The following WWOX variants were observed in gnomAD, a reference collection of about 807,000 sequenced individuals.
WWOX encodes the protein WW domain-containing oxidoreductase.
Under a neutral mutation model 46.2 loss-of-function variants are expected in WWOX, and 69 were observed. The ratio of observed to expected loss-of-function variants is 1.49; its 90% confidence interval spans 1.23 to 1.82. The LOEUF (loss-of-function observed/expected upper bound fraction) is 1.82, where lower values mean the gene tolerates loss of function less well. Among genes scored for constraint, WWOX ranks in the 40% most tolerant of loss-of-function variants. WWOX has a pLI of 0.00. For missense variants in WWOX, 919 were observed against 542.6 expected (o/e 1.69, Z -6.89); for synonymous variants, 359 against 202.6 (o/e 1.77, Z -6.56).
intron 8 of WWOX, among the ~76,000 whole-genome samples, chr16:78,581,170 T>C (rs1341683878): frequency 6.6e-6 from 1 of 152,184 alleles, no homozygotes; most frequent in Non-Finnish European, 1.5e-5. Flanking sequence ...GTTTTAAAAA[T>C]ATTTACAATT....
chr16:79,200,318 G>C (rs867497936), intron 8 of WWOX, among the ~76,000 whole-genome samples: 1 of 152,146 alleles, frequency 6.6e-6, no homozygotes, highest in Non-Finnish European at 1.5e-5. Flanking sequence ...TAAGTATCCC[G>C]CTCTCAGATC....
intron 8 of WWOX, among the ~76,000 whole-genome samples, chr16:78,870,382 C>A (rs2044100600): frequency 6.6e-6 from 1 of 152,108 alleles, no homozygotes; most frequent in Non-Finnish European, 1.5e-5. Context: ...CTCCCCTGAC[C>A]TTCCCATTTT....
At chr16:79,076,413 T>G (rs185468934) in intron 8 of WWOX, among the ~76,000 whole-genome samples, 1 of 152,364 alleles carries the variant, frequency 6.6e-6, no homozygotes. Context: ...GAGAATTTTC[T>G]GAAGCTATTG....
At chr16:78,810,541 T>C (rs2051161647) in intron 8 of WWOX, among the ~76,000 whole-genome samples, 1 of 152,230 alleles carries the variant, frequency 6.6e-6, no homozygotes, top group Non-Finnish European at 1.5e-5. Context: ...AATAAATTAA[T>C]AGTCAACAAC....
chr16:78,303,526 T>G (rs2080079896), intron 5 of WWOX, among the ~76,000 whole-genome samples: 1 of 152,074 alleles, frequency 6.6e-6, no homozygotes, highest in African/African-American at 2.4e-5. Flanking sequence ...GTTTTTGTTT[T>G]TTGTTTTTGT....
chr16:78,423,706 C>T (rs745963866), intron 6 of WWOX, among the ~76,000 whole-genome samples: 1 of 151,918 alleles, frequency 6.6e-6, no homozygotes, highest in Non-Finnish European at 1.5e-5. Context: ...AATAGCCATG[C>T]ATGGTGGTGT....
chr16:78,793,935 T>G (rs1161975387), intron 8 of WWOX, among the ~76,000 whole-genome samples: 3 of 151,988 alleles, frequency 2.0e-5, no homozygotes, highest in African/African-American at 7.2e-5. Flanking sequence ...ATTTTTGATA[T>G]AGAAGAGGAT....
intron 5 of WWOX, among the ~76,000 whole-genome samples, chr16:78,301,740 T>C (rs2080044747): frequency 6.6e-6 from 1 of 152,150 alleles, no homozygotes; most frequent in Non-Finnish European, 1.5e-5. Context: ...GGACTGTCTC[T>C]GGTCACTGAT....
At chr16:78,669,191 A>G (rs72796605) in intron 8 of WWOX, among the ~76,000 whole-genome samples, 5,657 of 152,238 alleles carry the variant, frequency 0.037, 148 homozygotes, top group Non-Finnish European at 0.059. Flanking sequence ...AACTTCCTTC[A>G]CACACTCCCT....
At chr16:79,166,435 C>T (rs2050595875) in intron 8 of WWOX, among the ~76,000 whole-genome samples, 1 of 152,178 alleles carries the variant, frequency 6.6e-6, no homozygotes, top group Admixed American at 6.5e-5. Context: ...ATAAATCCTC[C>T]CTCCTTTGTC....
At chr16:78,198,759 T>C (rs928747648) in intron 5 of WWOX, among the ~76,000 whole-genome samples, 1 of 152,228 alleles carries the variant, frequency 6.6e-6, no homozygotes, top group Non-Finnish European at 1.5e-5. Context: ...ATTTTGTATA[T>C]TTCGCATATG....
At chr16:78,324,002 C>G (rs1291063363) in intron 5 of WWOX, among the ~76,000 whole-genome samples, 1 of 152,194 alleles carries the variant, frequency 6.6e-6, no homozygotes, top group African/African-American at 2.4e-5. Flanking sequence ...TCCAACTTCA[C>G]TTTCCCCTAT....
intron 8 of WWOX, among the ~76,000 whole-genome samples, chr16:78,877,031 G>C (rs1223045418): frequency 1.3e-5 from 2 of 152,124 alleles, no homozygotes; most frequent in Non-Finnish European, 2.9e-5. Context: ...AGAGGTCCAG[G>C]ACATTTAAAT....
intron 1 of WWOX, among the ~76,000 whole-genome samples, chr16:78,106,411 GTTTTTTTTTGT>G (rs1451364293): frequency 2.6e-4 from 32 of 123,684 alleles, no homozygotes; most frequent in Non-Finnish European, 1.0e-4. Flanking sequence ...AGTCAGAACG[GTTTTTTTTTGT>G]TTTTTTTTTT....
rs537979877 is a variant in WWOX, at chr16:78,626,965, T to C, written c.1056+194213T>C. On this transcript the variant is annotated intron_variant, in intron 8 of 8. Coordinates refer to ENST00000566780, the MANE Select transcript of WWOX (RefSeq NM_016373.4). ...CCTGTGTTCTTGTGATGTACACACA[T>C]CATGGTGTGGTGTGTTTTTATCTTT... Among the ~76,000 whole-genome samples, 120 of 152,306 alleles carry C rather than the reference T, an allele frequency of 7.9e-4. 1 individual carries two copies. The highest frequency in any genetic ancestry group is 2.5e-3 in the African/African-American group (105 of 41,564).
At chr16:78,956,798 A>T (rs569932972) in intron 8 of WWOX, among the ~76,000 whole-genome samples, 2 of 152,302 alleles carry the variant, frequency 1.3e-5, no homozygotes, top group East Asian at 3.9e-4. Context: ...GGAAACAAAG[A>T]GGGCAACAGG....
intron 5 of WWOX, chr16:78,355,764 A>G (rs879227343): frequency 7.1e-6 from 5 of 700,756 alleles, no homozygotes; most frequent in Non-Finnish European, 1.3e-5. Context: ...TCAACAAAAC[A>G]GAATATTCCA....
chr16:78,751,393 A>G (rs940116791), intron 8 of WWOX, among the ~76,000 whole-genome samples: 8 of 148,450 alleles, frequency 5.4e-5, no homozygotes, highest in African/African-American at 1.5e-4. Flanking sequence ...GTCCTGCAAC[A>G]TAACTGTAAG....
chr16:78,473,410 A>C (rs182172576), intron 8 of WWOX, among the ~76,000 whole-genome samples: 1 of 146,814 alleles, frequency 6.8e-6, no homozygotes, highest in Non-Finnish European at 1.5e-5. Context: ...GATTACAGAC[A>C]TGAGCCGACC....
Sources: allele counts gnomAD v4.1 joint callset (sites outside exome capture counted in the v4.1 genomes callset), GRCh38; gene constraint gnomAD v4.1.1; transcripts MANE v1.5; gene names NCBI Gene and HGNC (gene_info 2026-07-23, HGNC 2026-07-21).